Variants in FRMPD4 observed in about 807,000 individuals in gnomAD.
FRMPD4 encodes the protein FERM and PDZ domain containing 4.
Under a neutral mutation model 94.1 loss-of-function variants are expected in FRMPD4, and 22 were observed. The observed-to-expected ratio is 0.23, with a 90% CI of 0.17 to 0.33. The LOEUF is 0.33. Among genes scored for constraint, FRMPD4 ranks in the 10% least tolerant of loss-of-function variants. The pLI, the probability that FRMPD4 is intolerant of heterozygous loss-of-function variation, is 1.00. For synonymous variants in FRMPD4, 631 were observed against 548.6 expected, an observed-to-expected ratio of 1.15 and a Z score of -2.10; for missense variants, 1,111 against 1,339.9, an observed-to-expected ratio of 0.83 and a Z score of 2.67.
chrX:12,234,004 A>AT (rs371953265), intron 1 of FRMPD4, among the ~76,000 whole-genome samples: 1 of 107,053 alleles, frequency 9.3e-6, no homozygotes. Flanking sequence ...TTATTTATTT[A>AT]TAATTTATTT....
At chrX:12,662,903 G>A (rs2059732301) in intron 4 of FRMPD4, among the ~76,000 whole-genome samples, 2 of 112,568 alleles carry the variant, frequency 1.8e-5, no homozygotes, top group Non-Finnish European at 3.8e-5. Flanking sequence ...TTTAACTGGT[G>A]TGAGATGGTA....
intron 1 of FRMPD4, among the ~76,000 whole-genome samples, chrX:11,864,246 C>T (rs1459674320): frequency 6.4e-5 from 7 of 109,026 alleles, no homozygotes; most frequent in Non-Finnish European, 7.6e-5. Context: ...AAAGACTGCT[C>T]GGAAAGTTAA....
chrX:12,229,588 T>C (rs1217812388), intron 1 of FRMPD4, among the ~76,000 whole-genome samples: 1 of 111,768 alleles, frequency 8.9e-6, no homozygotes, highest in Non-Finnish European at 1.9e-5. Flanking sequence ...TTTATTCCCC[T>C]TATCCTTAAT....
chrX:12,093,602 C>CAA (rs11301557), intron 3 of FRMPD4, among the ~76,000 whole-genome samples: 195 of 61,428 alleles, frequency 3.2e-3, no homozygotes, highest in Middle Eastern at 9.3e-3. Flanking sequence ...AAAACCAAGA[C>CAA]AAAAAAAAAA....
chrX:12,401,699 C>T (rs1250255840), intron 1 of FRMPD4, among the ~76,000 whole-genome samples: 1 of 111,734 alleles, frequency 8.9e-6, no homozygotes, highest in Non-Finnish European at 1.9e-5. Flanking sequence ...ATATGTTATC[C>T]TATGAATATT....
At chrX:12,047,874 C>T (rs1341727659) in intron 3 of FRMPD4, among the ~76,000 whole-genome samples, 2 of 112,407 alleles carry the variant, frequency 1.8e-5, no homozygotes, top group African/African-American at 6.5e-5. Flanking sequence ...TACGTATGTA[C>T]CACATTTTCT....
At chrX:12,492,151 G>A (rs1248903070) in intron 1 of FRMPD4, among the ~76,000 whole-genome samples, 5 of 112,255 alleles carry the variant, frequency 4.5e-5, no homozygotes, top group African/African-American at 1.6e-4. Context: ...ACCACTGCAT[G>A]TGATGTCTGG....
chrX:12,668,530 G>C (rs989650509), intron 4 of FRMPD4, among the ~76,000 whole-genome samples: 10 of 109,589 alleles, frequency 9.1e-5, no homozygotes, highest in African/African-American at 2.3e-4. Flanking sequence ...GTGTGCTGAG[G>C]AGTCCTTCTT....
At chrX:12,590,098 T>C (rs2058968114) in intron 2 of FRMPD4, among the ~76,000 whole-genome samples, 1 of 112,494 alleles carries the variant, frequency 8.9e-6, no homozygotes, top group African/African-American at 3.2e-5. Flanking sequence ...CTGGTGTTTG[T>C]GGAAGAAAAA....
intron 4 of FRMPD4, among the ~76,000 whole-genome samples, chrX:12,663,426 C>T (rs1028582535): frequency 8.9e-6 from 1 of 112,136 alleles, no homozygotes; most frequent in Admixed American, 9.4e-5. Flanking sequence ...AGCCAATTTT[C>T]CCAACACCAT....
At chrX:12,065,016 G>A (rs1277038553) in intron 3 of FRMPD4, among the ~76,000 whole-genome samples, 1 of 111,827 alleles carries the variant, frequency 8.9e-6, no homozygotes, top group African/African-American at 3.2e-5. Flanking sequence ...TTTACTAAAG[G>A]AAGAGAAGGC....
At chrX:12,609,915 G>T in intron 3 of FRMPD4, 34 bp downstream of exon 3, 1 of 1,139,159 alleles carries the variant, frequency 8.8e-7, no homozygotes, top group Non-Finnish European at 1.2e-6. Flanking sequence ...GGTTTCCTGG[G>T]AATGTCTGCC....
intron 1 of FRMPD4, among the ~76,000 whole-genome samples, chrX:12,217,218 C>T (rs1427846375): frequency 4.5e-5 from 5 of 111,695 alleles, no homozygotes; most frequent in African/African-American, 1.6e-4. Context: ...TGGACTCTCC[C>T]CTTCACCTGG....
chrX:12,271,747 CA>C (rs967326946), intron 1 of FRMPD4, among the ~76,000 whole-genome samples: 10 of 111,976 alleles, frequency 8.9e-5, no homozygotes, highest in Admixed American at 8.5e-4. Flanking sequence ...GCCTGGTGAT[CA>C]AAAAGTCAGT....
chrX:12,088,638 G>A (rs531682402), intron 3 of FRMPD4, among the ~76,000 whole-genome samples: 2 of 111,880 alleles, frequency 1.8e-5, no homozygotes, highest in African/African-American at 3.2e-5. Context: ...AAGGGTTTTC[G>A]TGACAGTCTG....
At chrX:12,027,938 C>T (rs1369019598) in intron 3 of FRMPD4, among the ~76,000 whole-genome samples, 2 of 112,436 alleles carry the variant, frequency 1.8e-5, no homozygotes, top group African/African-American at 6.5e-5. Context: ...AGTCACTAGT[C>T]TTCTTCTGTT....
chrX:12,513,541 A>G (rs751684162), intron 2 of FRMPD4, among the ~76,000 whole-genome samples: 1 of 111,429 alleles, frequency 9.0e-6, no homozygotes, highest in African/African-American at 3.3e-5. Flanking sequence ...GTGCAGTCAT[A>G]TTTCTGAGAT....
intron 4 of FRMPD4, among the ~76,000 whole-genome samples, chrX:12,647,006 G>C (rs1206178175): frequency 8.9e-6 from 1 of 111,827 alleles, no homozygotes; most frequent in Non-Finnish European, 1.9e-5. Context: ...CCAGGATAAC[G>C]TTATACATAG....
chrX:12,630,535 C>A (rs992584198), intron 4 of FRMPD4, among the ~76,000 whole-genome samples: 2 of 111,617 alleles, frequency 1.8e-5, no homozygotes, highest in African/African-American at 6.5e-5. Flanking sequence ...ATAATAATGA[C>A]AATAAAGCAA....
Sources: allele counts gnomAD v4.1 joint callset (sites outside exome capture counted in the v4.1 genomes callset), GRCh38; gene constraint gnomAD v4.1.1; transcripts MANE v1.5; gene names NCBI Gene and HGNC (gene_info 2026-07-23, HGNC 2026-07-21).